SAAL1: variants seen among roughly 807,000 people sequenced by gnomAD.
SAAL1 encodes serum amyloid A like 1.
In SAAL1, 42 loss-of-function variants were observed where a neutral mutation model predicts 59.8. That is an observed-to-expected ratio of 0.70 (90% CI 0.55 to 0.91). The LOEUF is 0.91. Ranked by LOEUF, SAAL1 falls within the 40% of genes least tolerant of loss-of-function variation. The pLI is 0.00. For synonymous variants in SAAL1, 191 were observed against 194.3 expected (o/e 0.98, Z 0.14); for missense variants, 542 against 561.1 (o/e 0.97, Z 0.34).
At chr11:18,089,621 C>T in intron 6 of SAAL1, 111 bp from the exon 7 acceptor site, 1 of 883,292 alleles carries the variant, frequency 1.1e-6, no homozygotes, top group Non-Finnish European at 1.7e-6. Flanking sequence ...CAAAGCAGTA[C>T]TTATTCTAAA....
chr11:18,097,193 C>T (rs1011695842), intron 2 of SAAL1, among the ~76,000 whole-genome samples: 1 of 151,740 alleles, frequency 6.6e-6, no homozygotes, highest in African/African-American at 2.4e-5. Flanking sequence ...GCTGAGATCA[C>T]GCCACTGCAC....
intron 2 of SAAL1, among the ~76,000 whole-genome samples, chr11:18,098,082 G>A (rs1378075144): frequency 6.6e-6 from 1 of 152,188 alleles, no homozygotes; most frequent in African/African-American, 2.4e-5. Context: ...GTGAGGCAGA[G>A]GGTGCAGTGA....
chr11:18,104,640 A>T (rs1279786440), intron 1 of SAAL1, among the ~76,000 whole-genome samples: 1 of 152,172 alleles, frequency 6.6e-6, no homozygotes, highest in African/African-American at 2.4e-5. Context: ...TTAAAGGAAG[A>T]ATAGTAGTTT....
intron 10 of SAAL1, 155 bp from the exon 11 acceptor site, chr11:18,081,658 C>T: frequency 1.6e-6 from 1 of 614,994 alleles, no homozygotes; most frequent in Non-Finnish European, 2.9e-6. Flanking sequence ...GCTTATGTAA[C>T]CCAAACATGT....
At chr11:18,080,995 C>A (rs1277956519) in intron 11 of SAAL1, among the ~76,000 whole-genome samples, 1 of 151,976 alleles carries the variant, frequency 6.6e-6, no homozygotes, top group Non-Finnish European at 1.5e-5. Context: ...TTTCCCTCAA[C>A]TTTTATTGTA....
At chr11:18,097,596 T>C (rs549162674) in intron 2 of SAAL1, among the ~76,000 whole-genome samples, 112 of 152,200 alleles carry the variant, frequency 7.4e-4, no homozygotes, top group Non-Finnish European at 1.2e-3. Flanking sequence ...TCCTAACACT[T>C]TGGGAGGCTG....
chr11:18,093,293 G>A (rs1264109736), intron 3 of SAAL1, among the ~76,000 whole-genome samples: 4 of 152,202 alleles, frequency 2.6e-5, no homozygotes, highest in Non-Finnish European at 5.9e-5. Context: ...AAAGGTAAAA[G>A]TTCTTGACTT....
intron 1 of SAAL1, among the ~76,000 whole-genome samples, chr11:18,103,706 C>T (rs894403280): frequency 2.0e-5 from 3 of 152,112 alleles, no homozygotes; most frequent in African/African-American, 7.2e-5. Context: ...CTCCAGCCAC[C>T]CTCAACCCTG....
intron 2 of SAAL1, among the ~76,000 whole-genome samples, chr11:18,098,866 C>A (rs1174705375): frequency 6.6e-6 from 1 of 152,178 alleles, no homozygotes; most frequent in African/African-American, 2.4e-5. Context: ...ATATCAACAC[C>A]AACAGTAATA....
chr11:18,087,579 T>A (rs535302727), intron 7 of SAAL1, among the ~76,000 whole-genome samples: 1 of 152,228 alleles, frequency 6.6e-6, no homozygotes, highest in African/African-American at 2.4e-5. Context: ...ATTTTTATAG[T>A]ATGAACGTTA....
intron 1 of SAAL1, among the ~76,000 whole-genome samples, chr11:18,105,207 T>C (rs1848675682): frequency 6.6e-6 from 1 of 151,858 alleles, no homozygotes; most frequent in Non-Finnish European, 1.5e-5. Flanking sequence ...TCTTACTCCG[T>C]CCCCCAGCCT....
chr11:18,083,643 GT>G lies in SAAL1; in HGVS notation c.1130del (p.Asn377ThrfsTer10). 1.2e-6 allele frequency: 2 copies of G among 1,610,552 alleles called. No individual in the cohort carries two copies. The highest frequency in any genetic ancestry group is 2.7e-5 in the African/African-American group (2 of 74,960). The part of the protein sequence containing the change: ...QKKPENSAES[N>X]TEETKRTDLT... ...AATCAGTCCTTTTAGTTTCCTCTGT[GT>G]TAGACTCTGCCGAGTTCTCTGGTTT... On this transcript the variant is annotated frameshift_variant, in exon 10 of 12. Coordinates refer to ENST00000524803, the MANE Select transcript of SAAL1 (RefSeq NM_138421.3). LOFTEE classifies it high-confidence loss of function.
intron 1 of SAAL1, 28 bp downstream of exon 1, chr11:18,105,879 A>C: frequency 1.3e-6 from 2 of 1,561,242 alleles, no homozygotes; most frequent in Non-Finnish European, 1.7e-6. Context: ...ATGTAGGGAC[A>C]CCCCACGCGT....
intron 9 of SAAL1, among the ~76,000 whole-genome samples, chr11:18,085,571 T>A (rs1205022504): frequency 6.6e-6 from 1 of 152,120 alleles, no homozygotes; most frequent in East Asian, 1.9e-4. Flanking sequence ...TCAACAAAAA[T>A]GTCAGAAATT....
intron 6 of SAAL1, 113 bp downstream of exon 6, chr11:18,090,062 A>G (rs1400879344): frequency 8.0e-6 from 8 of 994,498 alleles, no homozygotes; most frequent in Non-Finnish European, 1.2e-5. Context: ...AAACTTCATT[A>G]CCTTGCACTC....
intron 1 of SAAL1, among the ~76,000 whole-genome samples, chr11:18,105,170 T>G (rs979232316): frequency 6.6e-6 from 1 of 151,906 alleles, no homozygotes; most frequent in Non-Finnish European, 1.5e-5. Context: ...GTAAGGAAGC[T>G]GCGTTTTTTG....
chr11:18,086,073 G>C (rs1326007552), intron 9 of SAAL1, among the ~76,000 whole-genome samples: 1 of 152,134 alleles, frequency 6.6e-6, no homozygotes, highest in Non-Finnish European at 1.5e-5. Flanking sequence ...TGTGTGGGAT[G>C]GTAAGATTAC....
intron 3 of SAAL1, 79 bp from the exon 4 acceptor site, chr11:18,092,403 T>G: frequency 3.2e-6 from 3 of 934,502 alleles, no homozygotes; most frequent in Non-Finnish European, 5.3e-6. Context: ...AACAAAAACT[T>G]TCGCTGAGCC....
At chr11:18,097,620 G>A (rs569230272) in intron 2 of SAAL1, among the ~76,000 whole-genome samples, 1 of 152,112 alleles carries the variant, frequency 6.6e-6, no homozygotes, top group Non-Finnish European at 1.5e-5. Flanking sequence ...AGAAGGCCGA[G>A]GTGGGTGGAT....
Sources: gnomAD v4.1 joint callset for allele counts (sites outside exome capture counted in the v4.1 genomes callset) on GRCh38, gnomAD v4.1.1 for gene constraint, MANE v1.5 for transcripts, NCBI Gene and HGNC (gene_info 2026-07-23, HGNC 2026-07-21) for gene names.